YWHAH: variants seen among roughly 807,000 people sequenced by gnomAD.
YWHAH encodes 14-3-3 protein eta.
Under a neutral mutation model 22.9 loss-of-function variants are expected in YWHAH, and 6 were observed. That is an observed-to-expected ratio of 0.26 (90% confidence interval 0.14 to 0.52). The LOEUF (loss-of-function observed/expected upper bound fraction) is 0.52. YWHAH is among the 20% of genes least tolerant of loss of function. The probability of loss-of-function intolerance (pLI) is 0.97; values close to 1 mark genes in which losing one functional copy is unlikely to be tolerated. For synonymous variants in YWHAH, 135 were observed against 124.5 expected, an observed-to-expected ratio of 1.08 and a Z score of -0.56; for missense variants, 173 against 308.6, an observed-to-expected ratio of 0.56 and a Z score of 3.29.
chr22:31,953,990 C>T (rs764655518), intron 1 of YWHAH, among the ~76,000 whole-genome samples: 1 of 152,116 alleles, frequency 6.6e-6, no homozygotes, highest in Non-Finnish European at 1.5e-5. Context: ...GAACTTGGCA[C>T]GTTTTCTGAT....
intron 1 of YWHAH, among the ~76,000 whole-genome samples, chr22:31,955,800 G>A (rs949685523): frequency 2.2e-4 from 34 of 152,272 alleles, no homozygotes; most frequent in African/African-American, 7.7e-4. Context: ...TCACCATTAT[G>A]TACTGCTGCT....
At chr22:31,950,772 T>C (rs1303578786) in intron 1 of YWHAH, among the ~76,000 whole-genome samples, 1 of 152,200 alleles carries the variant, frequency 6.6e-6, no homozygotes, top group Non-Finnish European at 1.5e-5. Context: ...GTGATGTTCT[T>C]GCCCAGTGGC....
chr22:31,945,106 A>T, intron 1 of YWHAH: 1 of 1,082,736 alleles, frequency 9.2e-7, no homozygotes, highest in Non-Finnish European at 1.1e-6. Flanking sequence ...TTAGTTCGGA[A>T]CCCGGCCGGG....
At chr22:31,947,333 G>T (rs888633828) in intron 1 of YWHAH, 9 of 442,694 alleles carry the variant, frequency 2.0e-5, no homozygotes, top group Non-Finnish European at 4.7e-6. Flanking sequence ...TATAAAACTA[G>T]TGATGTTGCT....
chr22:31,947,276 C>T, intron 1 of YWHAH: 2 of 385,554 alleles, frequency 5.2e-6, no homozygotes, highest in Non-Finnish European at 1.1e-5. Flanking sequence ...CTGATGCCAC[C>T]AGTCTGTAAC....
rs913985609 is a variant in YWHAH at position 31,948,334 on chromosome 22, A to C, written c.87+3514A>C. Among the ~76,000 whole-genome samples the C allele has an allele frequency of 2.0e-5, 3 of 152,244 alleles. No individual in the cohort carries two copies. The East Asian group carries it at 5.8e-4, about 29-fold the overall frequency. On this transcript the variant is annotated intron_variant, in intron 1 of 1. Coordinates refer to ENST00000248975, the MANE Select transcript of YWHAH (RefSeq NM_003405.4). ...GTAAAAGTGCACAGCTGACTGCCCCAGGTGAGACAGATCAGTGTCACAGAG... is the reference window on the plus strand; with the variant it reads ...GTAAAAGTGCACAGCTGACTGCCCCCGGTGAGACAGATCAGTGTCACAGAG...
intron 1 of YWHAH, among the ~76,000 whole-genome samples, chr22:31,954,692 T>A (rs2093847354): frequency 6.6e-6 from 1 of 152,166 alleles, no homozygotes; most frequent in Non-Finnish European, 1.5e-5. Context: ...TTGGTGTTCC[T>A]TGGCTTGTAG....
In YWHAH at chr22:31,956,738, C is replaced by T. The variant is rs766860181; in HGVS notation, c.687C>T (p.Asn229=). The change falls in exon 2 of 2, where the codon AAC becomes AAT. Residue 229 remains asparagine (N), a synonymous_variant. Transcript: ENST00000248975. This position sits in a 1 kb window ranked among gnomAD's most constrained non-coding sequence, Gnocchi z 5.1. The part of the protein sequence containing the change: ...STLIMQLLRD[N]LTLWTSDQQD... ...TGATCATGCAGTTGCTGCGAGACAA[C>T]CTCACCCTCTGGACGAGCGACCAGC... 1.2e-6 allele frequency: 2 copies of T among 1,612,994 alleles called. No individual in the cohort carries two copies. The highest frequency in any genetic ancestry group is 8.5e-7 in the Non-Finnish European group (1 of 1,179,462).
At chr22:31,948,004 T>A (rs1370994453) in intron 1 of YWHAH, among the ~76,000 whole-genome samples, 1 of 152,230 alleles carries the variant, frequency 6.6e-6, no homozygotes, top group East Asian at 1.9e-4. Flanking sequence ...ACCAGTTGAT[T>A]ACAGTGTTGA....
At chr22:31,950,570 T>C in intron 1 of YWHAH, 1 of 510,642 alleles carries the variant, frequency 2.0e-6, no homozygotes, top group Non-Finnish European at 3.5e-6. Context: ...TGTTCAGTTA[T>C]GTCAAAAGCA....
intron 1 of YWHAH, among the ~76,000 whole-genome samples, chr22:31,946,286 G>A (rs2093834535): frequency 6.6e-6 from 1 of 152,132 alleles, no homozygotes; most frequent in African/African-American, 2.4e-5. Context: ...TGTAATTCAG[G>A]GGGTCCTTTA....
At chr22:31,953,789 A>T (rs896780142) in intron 1 of YWHAH, among the ~76,000 whole-genome samples, 3 of 152,192 alleles carry the variant, frequency 2.0e-5, no homozygotes, top group Non-Finnish European at 4.4e-5. Flanking sequence ...GATAGCTGTT[A>T]GCCAAAGACC....
intron 1 of YWHAH, among the ~76,000 whole-genome samples, chr22:31,954,358 C>T (rs941437510): frequency 6.6e-6 from 1 of 152,096 alleles, no homozygotes; most frequent in Non-Finnish European, 1.5e-5. Context: ...TAAGGAATCC[C>T]TCTACTTTAG....
At chr22:31,953,684 TGA>T (rs1273621890) in intron 1 of YWHAH, among the ~76,000 whole-genome samples, 2 of 152,062 alleles carry the variant, frequency 1.3e-5, no homozygotes, top group East Asian at 3.9e-4. Context: ...CAGATCACAG[TGA>T]GAGGTATGGA....
intron 1 of YWHAH, chr22:31,950,550 C>T (rs1459544969): frequency 1.9e-6 from 1 of 521,826 alleles, no homozygotes; most frequent in Non-Finnish European, 3.5e-6. Flanking sequence ...CTTGCCAATC[C>T]CCATGAAAAT....
chr22:31,950,372 G>A (rs1214840880), intron 1 of YWHAH: 2 of 779,126 alleles, frequency 2.6e-6, no homozygotes, highest in Non-Finnish European at 4.8e-6. Flanking sequence ...CAGCATTTTG[G>A]TGCTCCTCCC....
chr22:31,954,586 G>C, intron 1 of YWHAH, among the ~76,000 whole-genome samples: 1 of 152,158 alleles, frequency 6.6e-6, no homozygotes. Flanking sequence ...CTAGAAGTTT[G>C]AAAGTGAGGT....
rs1272771202 is a variant in YWHAH, at chr22:31,957,516, A to G, written c.*724A>G. On this transcript the variant is annotated 3_prime_UTR_variant, in exon 2 of 2. Coordinates refer to ENST00000248975, the MANE Select transcript of YWHAH (RefSeq NM_003405.4). ...GCGCCATGTGTGTCAGCCCATGTCA[A>G]TCAAGATGGGTGATTATGAAATGCC... 1.3e-5 allele frequency: 2 copies of G among 152,570 alleles called. No homozygotes were observed. Among genetic ancestry groups the G allele is most frequent in the Non-Finnish European group, 2.9e-5 (2 of 68,014 alleles). 9.5% of individuals were successfully genotyped at this position (152,570 alleles called of 1,614,324 possible). A position where few individuals can be genotyped will look rare whatever the true frequency, so the allele number is the denominator to read the frequency against.
chr22:31,951,307 T>A (rs2093843016), intron 1 of YWHAH, among the ~76,000 whole-genome samples: 1 of 152,188 alleles, frequency 6.6e-6, no homozygotes, highest in Non-Finnish European at 1.5e-5. Flanking sequence ...TACTTAATCA[T>A]GAGAATCATT....
Sources: allele counts gnomAD v4.1 joint callset (sites outside exome capture counted in the v4.1 genomes callset), GRCh38; gene constraint gnomAD v4.1.1; non-coding constraint Gnocchi (gnomAD v3.1); transcripts MANE v1.5; gene names NCBI Gene and HGNC (gene_info 2026-07-23, HGNC 2026-07-21).